Variants in EEF2KMT observed in about 807,000 individuals in gnomAD.
EEF2KMT encodes the protein protein-lysine N-methyltransferase EEF2KMT.
In EEF2KMT, 30 loss-of-function variants were observed where a neutral mutation model predicts 35.1. The observed-to-expected ratio is 0.85, with a 90% CI of 0.64 to 1.16. The LOEUF (loss-of-function observed/expected upper bound fraction) is 1.16. Ranked by LOEUF, EEF2KMT falls within the 50% of genes most tolerant of loss-of-function variation. EEF2KMT has a pLI of 0.00. For synonymous variants in EEF2KMT, 190 were observed against 187.7 expected (o/e 1.01, Z -0.10); for missense variants, 499 against 438.2 (o/e 1.14, Z -1.24).
intron 3 of EEF2KMT, among the ~76,000 whole-genome samples, chr16:5,092,688 T>C (rs1383884226): frequency 6.6e-6 from 1 of 152,136 alleles, no homozygotes; most frequent in Non-Finnish European, 1.5e-5. Flanking sequence ...CTAGGCCAGG[T>C]GCGGTGGCTC....
rs1485917504 is a variant in EEF2KMT at position 5,085,003 on chromosome 16, A to C, written c.*629T>G. ...AGTGGCCAGAAGCTGAAATGACAGC[A>C]GTGGTACTGCCTGGTAAAAGAATTG... On this transcript the variant is annotated 3_prime_UTR_variant, in exon 8 of 8. Transcript: ENST00000427587. 1 of 1,541,268 alleles carries C rather than the reference A, an allele frequency of 6.5e-7. No individual in the cohort carries two copies. The highest frequency in any genetic ancestry group is 1.4e-5 in the African/African-American group (1 of 73,640).
intron 2 of EEF2KMT, 72 bp downstream of exon 2, chr16:5,095,380 G>C: frequency 1.2e-6 from 2 of 1,605,608 alleles, no homozygotes; most frequent in East Asian, 2.2e-5. Context: ...CACACCTGCA[G>C]TTCTTCTCTC....
chr16:5,096,478 C>G (rs1353387737), intron 1 of EEF2KMT, among the ~76,000 whole-genome samples: 2 of 152,162 alleles, frequency 1.3e-5, no homozygotes, highest in Non-Finnish European at 2.9e-5. Flanking sequence ...TAGCTAACAC[C>G]AACATGTATT....
intron 1 of EEF2KMT, chr16:5,097,375 A>G: frequency 1.3e-6 from 2 of 1,483,016 alleles, no homozygotes; most frequent in Non-Finnish European, 1.8e-6. Context: ...CGTGAAAATG[A>G]TCGTGAACTG....
At chr16:5,096,698 C>A (rs964369152) in intron 1 of EEF2KMT, among the ~76,000 whole-genome samples, 7 of 152,186 alleles carry the variant, frequency 4.6e-5, no homozygotes, top group African/African-American at 1.7e-4. Context: ...AACTACTGCA[C>A]CCTAATCAAA....
Position 5,090,138 on chromosome 16 carries a change from C to G in EEF2KMT, c.688G>C (p.Val230Leu), listed in dbSNP as rs148557961. The change falls in exon 6 of 8, where the codon GTC becomes CTC. Residue 230 changes from valine (V) to leucine (L), a missense_variant. Val to Leu is a conservative substitution (Grantham distance 32, BLOSUM62 1). Coordinates refer to ENST00000427587, the MANE Select transcript of EEF2KMT (RefSeq NM_201400.4). The surrounding 1 kb of genome is among the most constrained non-coding windows in gnomAD (Gnocchi z 4.1). The stretch of plus-strand genomic sequence containing the variant: ...GCAGAGAGCTGATGGACCGTCGCGA[C>G]GTCCCAGTCCAGCTGGGCCACTGTC... ...RVTVAQLDWD[V>L]ATVHQLSAFQ... 1 of 1,610,590 alleles carries G rather than the reference C, an allele frequency of 6.2e-7. No homozygotes were observed. The highest frequency in any genetic ancestry group is 1.7e-5 in the Admixed American group (1 of 60,030).
intron 3 of EEF2KMT, among the ~76,000 whole-genome samples, chr16:5,093,159 G>A (rs1221272866): frequency 6.6e-6 from 1 of 152,216 alleles, no homozygotes; most frequent in African/African-American, 2.4e-5. Context: ...TCAGCGGGCA[G>A]GACAGAGGGT....
chr16:5,086,794 G>C (rs1957191109), intron 7 of EEF2KMT: 1 of 152,236 alleles, frequency 6.6e-6, no homozygotes, highest in African/African-American at 2.4e-5. Context: ...AGTCTCCCGA[G>C]TAGCTTTGAC....
In EEF2KMT at chr16:5,091,889, C is replaced by A; in HGVS notation, c.247G>T (p.Ala83Ser). 1 of 1,611,832 alleles carries A rather than the reference C, an allele frequency of 6.2e-7. No individual in the cohort carries two copies. The highest frequency in any genetic ancestry group is 8.5e-7 in the Non-Finnish European group (1 of 1,179,738). Reference protein sequence around the residue: ...FLSELIKKHEAVHTEPLDELY... With the variant: ...FLSELIKKHESVHTEPLDELY... The stretch of plus-strand genomic sequence containing the variant: ...TCGTCCAAAGGCTCTGTGTGGACAG[C>A]CTCGTGCTGGGGGCAGACAGAGTGA... The change falls in exon 4 of 8, where the codon GCT (alanine) becomes TCT (serine). Residue 83 changes from alanine (A) to serine (S), a missense_variant. Ala to Ser is a moderately conservative substitution (Grantham distance 99). Coordinates refer to ENST00000427587, the MANE Select transcript of EEF2KMT (RefSeq NM_201400.4).
Position 5,084,841 on chromosome 16 carries a change from G to A in EEF2KMT, c.*791C>T. ...TCGCAGCAGCTCCGATGGGATGAGAGCTGGGTGCAGACTGTGCTCCCTTTG... is the reference window on the plus strand; with the variant it reads ...TCGCAGCAGCTCCGATGGGATGAGAACTGGGTGCAGACTGTGCTCCCTTTG... On this transcript the variant is annotated 3_prime_UTR_variant, in exon 8 of 8. Transcript: ENST00000427587. 6.3e-7 allele frequency: 1 copy of A among 1,596,484 alleles called. No homozygotes were observed. The highest frequency in any genetic ancestry group is 1.1e-5 in the South Asian group (1 of 90,988).
At chr16:5,097,551 G>A in intron 1 of EEF2KMT, 93 bp downstream of exon 1, 4 of 1,510,158 alleles carry the variant, frequency 2.6e-6, no homozygotes, top group Non-Finnish European at 3.5e-6. Context: ...CTCACGTGGC[G>A]GGAGCGCCAG....
chr16:5,088,966 G>A (rs377471027), intron 7 of EEF2KMT, 141 bp downstream of exon 7: 5 of 1,562,524 alleles, frequency 3.2e-6, no homozygotes, highest in Non-Finnish European at 4.3e-6. Context: ...CCTGCTCACT[G>A]GCCTCTGCCT....
intron 2 of EEF2KMT, among the ~76,000 whole-genome samples, chr16:5,095,014 A>T (rs1390345566): frequency 6.6e-6 from 1 of 152,172 alleles, no homozygotes; most frequent in East Asian, 1.9e-4. Context: ...TCTCACCTGC[A>T]GGCAGATGCA....
chr16:5,091,790 A>G lies in EEF2KMT; in HGVS notation c.342+4T>C. The G allele has an allele frequency of 6.2e-7, 1 of 1,611,610 alleles. No individual in the cohort carries two copies. The highest frequency in any genetic ancestry group is 8.5e-7 in the Non-Finnish European group (1 of 1,179,648). On this transcript the variant is annotated splice_donor_region_variant and intron_variant, in intron 4 of 7. Coordinates refer to ENST00000427587, the MANE Select transcript of EEF2KMT (RefSeq NM_201400.4). ...TGAGGGGGAGGAGGGTGCCCTTCTC[A>G]TACCAGCAAATAGCTCCGGTGGCCC...
chr16:5,091,124 C>A (rs1365152858), intron 4 of EEF2KMT, among the ~76,000 whole-genome samples: 4 of 152,092 alleles, frequency 2.6e-5, no homozygotes, highest in Admixed American at 2.6e-4. Context: ...TCTCGTTGCC[C>A]AGGCTGGAGT....
intron 1 of EEF2KMT, among the ~76,000 whole-genome samples, chr16:5,095,859 C>T (rs1383057986): frequency 2.3e-5 from 2 of 85,290 alleles, no homozygotes; most frequent in Non-Finnish European, 5.2e-5. Flanking sequence ...GCAGAATGTG[C>T]CCATACCAGC....
intron 7 of EEF2KMT, chr16:5,086,928 G>A (rs1217590977): frequency 6.6e-6 from 1 of 152,178 alleles, no homozygotes; most frequent in Non-Finnish European, 1.5e-5. Flanking sequence ...GCCTCCCAAA[G>A]CCTCAGCCTC....
rs112272117 is a variant in EEF2KMT at position 5,096,924 on chromosome 16, A to G, written c.96+720T>C. ...CTCTGAGTGCAAATATTTTATGTCA[A>G]TGGAATAACGCAAATGATTAAGCAA... On this transcript the variant is annotated intron_variant, in intron 1 of 7. Coordinates refer to ENST00000427587, the MANE Select transcript of EEF2KMT (RefSeq NM_201400.4). Among the ~76,000 whole-genome samples the G allele has an allele frequency of 2.4e-3, 367 of 152,360 alleles. 2 individuals are homozygous for G. Among genetic ancestry groups the G allele is most frequent in the African/African-American group, 8.3e-3 (344 of 41,574 alleles).
Position 5,090,354 on chromosome 16 carries a change from C to A in EEF2KMT, c.477-5G>T. 1.9e-6 allele frequency: 3 copies of A among 1,611,728 alleles called. No homozygotes were observed. The highest frequency in any genetic ancestry group is 1.1e-5 in the South Asian group (1 of 90,986). On this transcript the variant is annotated splice_region_variant and splice_polypyrimidine_tract_variant and intron_variant, in intron 5 of 7. Transcript: ENST00000427587. This position sits in a 1 kb window ranked among gnomAD's most constrained non-coding sequence, Gnocchi z 4.1. Reference sequence around the variant, plus strand: ...CTGCCAAGCTCTAGGACAGTCCTGGCGGGAGGAAAGGGGACCGTGTCTGCG... The same window carrying A: ...CTGCCAAGCTCTAGGACAGTCCTGGAGGGAGGAAAGGGGACCGTGTCTGCG...
Sources: allele counts gnomAD v4.1 joint callset (sites outside exome capture counted in the v4.1 genomes callset), GRCh38; gene constraint gnomAD v4.1.1; non-coding constraint Gnocchi (gnomAD v3.1); transcripts MANE v1.5; gene names NCBI Gene and HGNC (gene_info 2026-07-23, HGNC 2026-07-21).